Variants in B3GALT5 observed in about 807,000 individuals in gnomAD.
B3GALT5 encodes the protein UDP-Gal:betaGlcNAc beta 1,3-galactosyltransferase, polypeptide 5.
For synonymous variants in B3GALT5, 156 were observed against 158.6 expected (o/e 0.98, Z 0.12); for missense variants, 328 against 396.6 (o/e 0.83, Z 1.47).
At chr21:39,631,824 G>A (rs2079193755) in intron 1 of B3GALT5, among the ~76,000 whole-genome samples, 1 of 152,212 alleles carries the variant, frequency 6.6e-6, no homozygotes, top group South Asian at 2.1e-4. Context: ...TACCAAGAAA[G>A]GGGATGCTGG....
chr21:39,636,448 T>G (rs73213473), intron 1 of B3GALT5, among the ~76,000 whole-genome samples: 30,323 of 151,964 alleles, frequency 0.2, 3,225 homozygotes, highest in Non-Finnish European at 0.25. Flanking sequence ...CCCCGACGCC[T>G]TTCCTTGTTG....
chr21:39,656,491 C>T (rs2239387), intron 2 of B3GALT5, among the ~76,000 whole-genome samples: 7,767 of 152,284 alleles, frequency 0.051, 500 homozygotes, highest in East Asian at 0.35. Flanking sequence ...TCCTCTCCAC[C>T]GAGGGCCACA....
At chr21:39,621,436 A>AT (rs1400106728) in intron 1 of B3GALT5, among the ~76,000 whole-genome samples, 2 of 145,616 alleles carry the variant, frequency 1.4e-5, no homozygotes, top group African/African-American at 2.5e-5. Flanking sequence ...GAAGTTGTGT[A>AT]TTTTTTCTCT....
chr21:39,647,168 C>T (rs769756141), intron 2 of B3GALT5, among the ~76,000 whole-genome samples: 8 of 152,158 alleles, frequency 5.3e-5, no homozygotes, highest in African/African-American at 1.7e-4. Flanking sequence ...TCCTGATGGC[C>T]GAGAGGCAGA....
At position 39,629,899 on chromosome 21, in the gene B3GALT5, T is replaced by C. The variant is rs191156567; in HGVS notation, c.-391-16493T>C. Among the ~76,000 whole-genome samples, 227 of 152,386 alleles carry C rather than the reference T, an allele frequency of 1.5e-3. 4 individuals carry two copies. The highest frequency in any genetic ancestry group is 7.7e-3 in the East Asian group (40 of 5,196). ...TGATGTGCAGAAGCACATATAGTTA[T>C]AATACCAGTAATGCTGGTTTAAAAT... is the stretch of plus-strand genomic sequence containing the variant. On this transcript the variant is annotated intron_variant, in intron 1 of 3. Coordinates refer to ENST00000684187, the MANE Select transcript of B3GALT5 (RefSeq NM_001356336.2).
At chr21:39,615,459 A>G (rs1427934362) in intron 1 of B3GALT5, among the ~76,000 whole-genome samples, 2 of 152,224 alleles carry the variant, frequency 1.3e-5, no homozygotes, top group East Asian at 1.9e-4. Context: ...CGGAATTTTT[A>G]TATCTAATTT....
intron 2 of B3GALT5, among the ~76,000 whole-genome samples, chr21:39,656,172 T>C (rs1024469970): frequency 6.6e-6 from 1 of 152,206 alleles, no homozygotes; most frequent in African/African-American, 2.4e-5. Flanking sequence ...ATTCTGACAC[T>C]CACTGGATTT....
Position 39,662,393 on chromosome 21 carries a change from A to G in B3GALT5, c.*901A>G, listed in dbSNP as rs536828376. 4 of 167,206 alleles carry G rather than the reference A, an allele frequency of 2.4e-5. No individual in the cohort carries two copies. The East Asian group carries it at 7.7e-4, about 32-fold the overall frequency. The allele number at this position is 167,206 out of a possible 1,614,324, so 10.4% of individuals were successfully genotyped here. ...CCAGCCACTGCCCCAGGAGCACTTT[A>G]GGGCTCTCAGTTCAAACTGAAGGAC... On this transcript the variant is annotated 3_prime_UTR_variant, in exon 4 of 4. Transcript: ENST00000684187.
rs117863289 is a variant in B3GALT5 at position 39,626,101 on chromosome 21, C to T, written c.-392+13034C>T. On this transcript the variant is annotated intron_variant, in intron 1 of 3. Coordinates refer to ENST00000684187, the MANE Select transcript of B3GALT5 (RefSeq NM_001356336.2). ...GTCATTTCTCCTCCCTACCCCCAGC[C>T]CCTGGGAACCCCCATTCTATTTCCT... 2.2e-3 allele frequency among the ~76,000 whole-genome samples: 332 copies of T among 152,268 alleles called. 5 individuals carry two copies. The East Asian group carries it at 0.03, about 14-fold the overall frequency.
chr21:39,630,165 C>T (rs1412343666), intron 1 of B3GALT5: 3 of 152,204 alleles, frequency 2.0e-5, no homozygotes, highest in Non-Finnish European at 4.4e-5. Context: ...GGAGACCTCT[C>T]CAACAAACCC....
chr21:39,620,931 C>T (rs1206482487), intron 1 of B3GALT5, among the ~76,000 whole-genome samples: 1 of 152,128 alleles, frequency 6.6e-6, no homozygotes, highest in East Asian at 1.9e-4. Context: ...CTTTTCTGGT[C>T]TTATTCCATT....
At chr21:39,639,349 TCC>T (rs2079260743) in intron 1 of B3GALT5, among the ~76,000 whole-genome samples, 31 of 109,008 alleles carry the variant, frequency 2.8e-4, no homozygotes, top group African/African-American at 4.1e-4. Context: ...TTTCTTTCTT[TCC>T]TTCCTTCCTT....
At chr21:39,643,307 A>T (rs1395104240) in intron 1 of B3GALT5, among the ~76,000 whole-genome samples, 1 of 151,414 alleles carries the variant, frequency 6.6e-6, no homozygotes, top group African/African-American at 2.4e-5. Context: ...AATCCCAGCC[A>T]CTTGGGAGGC....
intron 1 of B3GALT5, among the ~76,000 whole-genome samples, chr21:39,638,829 G>A (rs1319813237): frequency 6.6e-6 from 1 of 152,168 alleles, no homozygotes; most frequent in East Asian, 1.9e-4. Context: ...CATGGAAGAA[G>A]CGAGTCACTC....
intron 1 of B3GALT5, among the ~76,000 whole-genome samples, chr21:39,636,445 G>T (rs375955124): frequency 2.0e-5 from 3 of 152,030 alleles, no homozygotes; most frequent in Non-Finnish European, 4.4e-5. Flanking sequence ...AAACCCCGAC[G>T]CCTTTCCTTG....
rs560999345 is a variant in B3GALT5 at position 39,615,247 on chromosome 21, C to T, written c.-392+2180C>T. Among the ~76,000 whole-genome samples, 9 of 152,262 alleles carry T rather than the reference C, an allele frequency of 5.9e-5. No homozygotes were observed. The South Asian group carries it at 1.4e-3, about 25-fold the overall frequency. ...GGGTTCCATCAAGCTTTGTGGCTGA[C>T]CTCTTCCGAGTTTTGACAACACTTC... On this transcript the variant is annotated intron_variant, in intron 1 of 3. Transcript: ENST00000684187.
rs142274618 is a variant in B3GALT5, at chr21:39,613,460, C to T, written c.-392+393C>T. On this transcript the variant is annotated intron_variant, in intron 1 of 3. Transcript: ENST00000684187. ...ACAAAACAAACTCTGAAGCACCCTG[C>T]GGCAGGCAGCTTCTGCATCGTGGGG... 3.0e-3 allele frequency among the ~76,000 whole-genome samples: 457 copies of T among 152,266 alleles called. 4 individuals are homozygous for T. Among genetic ancestry groups the T allele is most frequent in the Middle Eastern group, 0.014 (4 of 294 alleles).
intron 1 of B3GALT5, among the ~76,000 whole-genome samples, chr21:39,619,675 G>A (rs1165366750): frequency 6.6e-6 from 1 of 152,102 alleles, no homozygotes; most frequent in Non-Finnish European, 1.5e-5. Context: ...TCTCTGTTCT[G>A]TTTTGTCATG....
At chr21:39,639,308 TTC>T (rs760708305) in intron 1 of B3GALT5, among the ~76,000 whole-genome samples, 6 of 89,692 alleles carry the variant, frequency 6.7e-5, no homozygotes, top group African/African-American at 1.4e-4. Flanking sequence ...CTTTCTTTCT[TTC>T]TTTCTTTCTT....
Sources: allele counts gnomAD v4.1 joint callset (sites outside exome capture counted in the v4.1 genomes callset), GRCh38; gene constraint gnomAD v4.1.1; transcripts MANE v1.5; gene names NCBI Gene and HGNC (gene_info 2026-07-23, HGNC 2026-07-21).